The following ADGRE2 variants were observed in gnomAD, a reference collection of about 807,000 sequenced individuals.
ADGRE2 encodes the protein adhesion G protein-coupled receptor E2.
ADGRE2 carries 83 observed loss-of-function variants against 100.8 expected under a neutral mutation model. The ratio of observed to expected loss-of-function variants is 0.82; its 90% CI spans 0.69 to 0.99. ADGRE2 has a LOEUF of 0.99. Ranked by LOEUF, ADGRE2 falls within the 50% of genes least tolerant of loss-of-function variation. The pLI, the probability that ADGRE2 is intolerant of heterozygous loss-of-function variation, is 0.00. For missense variants in ADGRE2, 814 were observed against 1,035.7 expected (o/e 0.79, Z 2.94); for synonymous variants, 355 against 413.0 (o/e 0.86, Z 1.70).
At chr19:14,738,490 A>G (rs2042824967) in intron 20 of ADGRE2, among the ~76,000 whole-genome samples, 1 of 152,028 alleles carries the variant, frequency 6.6e-6, no homozygotes, top group Non-Finnish European at 1.5e-5. Flanking sequence ...GCAATACTCC[A>G]ATCTTAGCCT....
intron 11 of ADGRE2, among the ~76,000 whole-genome samples, chr19:14,759,600 G>A (rs1344438389): frequency 2.0e-5 from 3 of 148,692 alleles, no homozygotes; most frequent in East Asian, 4.0e-4. Context: ...GGGTTCCAGC[G>A]AATCTCCTGC....
intron 5 of ADGRE2, chr19:14,772,129 GGGCCCA>G: frequency 1.6e-6 from 1 of 610,718 alleles, no homozygotes; most frequent in East Asian, 2.8e-5. Context: ...GCCAGGATTT[GGGCCCA>G]GGTAGCTGGT....
In ADGRE2 at chr19:14,750,260, A is replaced by G. The variant is rs1599813970; in HGVS notation, c.2024+1176T>C. 2.7e-5 allele frequency among the ~76,000 whole-genome samples: 2 copies of G among 73,154 alleles called. 1 individual carries two copies. The highest frequency in any genetic ancestry group is 2.9e-4 in the Admixed American group (2 of 7,008). 48.0% of individuals were successfully genotyped at this position (73,154 alleles called of 152,430 possible). A position where few individuals can be genotyped will look rare whatever the true frequency, so the allele number is the denominator to read the frequency against. ...AAAATTACATATAAAATAATCTAAT[A>G]TAATTATATAATTATATGATTATCT... On this transcript the variant is annotated intron_variant, in intron 16 of 20. Coordinates refer to ENST00000315576, the MANE Select transcript of ADGRE2 (RefSeq NM_013447.4).
At chr19:14,737,290 T>TGG (rs2042786620) in intron 20 of ADGRE2, among the ~76,000 whole-genome samples, 1 of 151,836 alleles carries the variant, frequency 6.6e-6, no homozygotes, top group South Asian at 2.1e-4. Context: ...CAGGTTCAAG[T>TGG]GATCCTCCTG....
chr19:14,766,492 T>C, intron 6 of ADGRE2, 111 bp from the exon 7 acceptor site: 1 of 1,353,448 alleles, frequency 7.4e-7, no homozygotes, highest in Non-Finnish European at 1.0e-6. Context: ...AAGACCATTA[T>C]TGCACGTGCC....
At position 14,751,563 on chromosome 19, in the gene ADGRE2, C is replaced by A; in HGVS notation, c.1897G>T (p.Val633Leu). The A allele has an allele frequency of 6.2e-7, 1 of 1,614,026 alleles. No homozygotes were observed. The highest frequency in any genetic ancestry group is 8.5e-7 in the Non-Finnish European group (1 of 1,179,998). ...YLFLTARNLTVVNYSSINRFM... is the reference protein window; with the variant it reads ...YLFLTARNLTLVNYSSINRFM... ...CTGTTGATGCTTGAGTAGTTGACCA[C>A]CGTCAGGTTCCGTGCAGTGAGGAAG... Residue 633 changes from valine (V) to leucine (L), a missense_variant, in exon 16 of 21, where the codon GTG becomes TTG. Val to Leu is a conservative substitution (Grantham distance 32). This residue lies in a region of ADGRE2 where 569 missense variants were observed against 692.7 expected (regional missense o/e 0.82). Transcript: ENST00000315576.
At chr19:14,724,854 C>T in the ADGRE2 span, among the ~76,000 whole-genome samples, 6 of 152,092 alleles carry the variant, frequency 3.9e-5, no homozygotes, top group Non-Finnish European at 5.9e-5. Flanking sequence ...TAATTCTTTC[C>T]GTGAAAATAT....
At position 14,743,604 on chromosome 19, in the gene ADGRE2, G is replaced by T; in HGVS notation, c.2352+12C>A. Reference sequence around the variant, plus strand: ...ACAGGAAGAGTCCTGGGTGGGAGCTGGGCAGTGGTACCTGCTGGCTGAGGA... The same window carrying T: ...ACAGGAAGAGTCCTGGGTGGGAGCTTGGCAGTGGTACCTGCTGGCTGAGGA... On this transcript the variant is annotated intron_variant, in intron 19 of 20. Coordinates refer to ENST00000315576, the MANE Select transcript of ADGRE2 (RefSeq NM_013447.4). The T allele has an allele frequency of 1.9e-6, 3 of 1,614,102 alleles. No individual in the cohort carries two copies. Among genetic ancestry groups the T allele is most frequent in the Non-Finnish European group, 2.5e-6 (3 of 1,179,980 alleles).
chr19:14,767,467 C>T (rs924802379), intron 5 of ADGRE2, among the ~76,000 whole-genome samples: 4 of 152,110 alleles, frequency 2.6e-5, no homozygotes, highest in African/African-American at 4.8e-5. Flanking sequence ...TCTTGATCTC[C>T]TGACCTCGTG....
intron 20 of ADGRE2, among the ~76,000 whole-genome samples, chr19:14,742,610 G>A (rs1188762313): frequency 6.6e-6 from 1 of 152,220 alleles, no homozygotes; most frequent in African/African-American, 2.4e-5. Flanking sequence ...CCACTACTAA[G>A]TGGTAGTTGG....
downstream of ADGRE2, among the ~76,000 whole-genome samples, chr19:14,728,210 C>T (rs1482072994): frequency 3.3e-5 from 5 of 152,056 alleles, no homozygotes; most frequent in Non-Finnish European, 5.9e-5. Flanking sequence ...GAGACTCCGT[C>T]TCAAAAAAAA....
At chr19:14,729,710 G>C (rs1328273575), downstream of ADGRE2, among the ~76,000 whole-genome samples, 1 of 152,114 alleles carries the variant, frequency 6.6e-6, no homozygotes, top group Non-Finnish European at 1.5e-5. Context: ...GTAGAGCATG[G>C]TGACTATAGT....
At chr19:14,764,791 G>C (rs1043500253) in intron 10 of ADGRE2, among the ~76,000 whole-genome samples, 181 bp from the exon 11 acceptor site, 1 of 152,204 alleles carries the variant, frequency 6.6e-6, no homozygotes, top group African/African-American at 2.4e-5. Flanking sequence ...GGCCGATGAG[G>C]GTGGGTCACA....
intron 11 of ADGRE2, among the ~76,000 whole-genome samples, chr19:14,763,262 C>G (rs1197982731): frequency 6.6e-6 from 1 of 151,880 alleles, no homozygotes; most frequent in Non-Finnish European, 1.5e-5. Flanking sequence ...AGAATGCTGT[C>G]AACCCAGGAG....
In ADGRE2 at chr19:14,756,271, C is replaced by G; in HGVS notation, c.1159G>C (p.Asp387His). 6.2e-7 allele frequency: 1 copy of G among 1,614,098 alleles called. No homozygotes were observed. Among genetic ancestry groups the G allele is most frequent in the Non-Finnish European group, 8.5e-7 (1 of 1,180,002 alleles). The stretch of plus-strand genomic sequence containing the variant: ...CCAGATTTCTGTGCCTGATTCCAGT[C>G]GAGCTGCATCACTGCCTGATTCTGT... ...LRQNQAVMQL[D>H]WNQAQKSGDP... Residue 387 changes from aspartate (D) to histidine (H), a missense_variant, in exon 12 of 21, where the codon GAC becomes CAC. By Grantham distance (81) the Asp-to-His change is moderately conservative. Around this residue, in one of 5 missense-constraint regions of ADGRE2, gnomAD observed 569 missense variants for 692.7 expected, o/e 0.82. Coordinates refer to ENST00000315576, the MANE Select transcript of ADGRE2 (RefSeq NM_013447.4).
chr19:14,755,287 AAAAAAAAAT>A lies in ADGRE2; in HGVS notation c.1417-169_1417-161del, dbSNP rs910584252. Reference sequence around the variant, plus strand: ...CATCTCTACTAAAAAAAAAAAAAAAAAAAAAAAATACAAAAATTAGCTGGGCGTGGTAGC... The same window carrying A: ...CATCTCTACTAAAAAAAAAAAAAAAAACAAAAATTAGCTGGGCGTGGTAGC... On this transcript the variant is annotated intron_variant, in intron 13 of 20. Transcript: ENST00000315576. Among the ~76,000 whole-genome samples, 17 of 102,472 alleles carry A rather than the reference AAAAAAAAAT, an allele frequency of 1.7e-4. No individual in the cohort carries two copies. In the South Asian group the frequency reaches 2.1e-3, roughly 13 times the overall value. 67.2% of individuals were successfully genotyped at this position (102,472 alleles called of 152,430 possible). A position where few individuals can be genotyped will look rare whatever the true frequency, so the allele number is the denominator to read the frequency against.
Position 14,767,970 on chromosome 19 carries a change from C to T in ADGRE2, c.356-861G>A, listed in dbSNP as rs796828925. 3.9e-5 allele frequency among the ~76,000 whole-genome samples: 6 copies of T among 152,330 alleles called. No homozygotes were observed. The South Asian group carries it at 1.0e-3, about 26-fold the overall frequency. ...GCAACTGTACATGGTGGTCATGGGTCCTTCTCAGTGAGAACCCTCTGGTTT... is the reference window on the plus strand; with the variant it reads ...GCAACTGTACATGGTGGTCATGGGTTCTTCTCAGTGAGAACCCTCTGGTTT... On this transcript the variant is annotated intron_variant, in intron 5 of 20. Coordinates refer to ENST00000315576, the MANE Select transcript of ADGRE2 (RefSeq NM_013447.4).
Position 14,752,344 on chromosome 19 carries a change from A to G in ADGRE2, c.1773T>C (p.Asp591=), listed in dbSNP as rs1487633457. The part of the protein sequence containing the change: ...LAHLLFLVAI[D]QTGHKVLCSI... ...CTGTCAATACCTTGTGTCCGGTTTG[A>G]TCAATTGCCACGAGGAAGAGGAGGT... Residue 591 remains aspartate (D), a synonymous_variant, in exon 15 of 21, where the codon GAT becomes GAC. Transcript: ENST00000315576. The G allele has an allele frequency of 1.9e-6, 3 of 1,613,976 alleles. No individual in the cohort carries two copies. In the African/African-American group the frequency reaches 4.0e-5, roughly 22 times the overall value.
At chr19:14,728,637 A>C (rs2042648550), downstream of ADGRE2, among the ~76,000 whole-genome samples, 2 of 152,226 alleles carry the variant, frequency 1.3e-5, no homozygotes, top group Admixed American at 1.3e-4. Flanking sequence ...TGAGTGACCT[A>C]TGACGACAAT....
Sources: allele counts gnomAD v4.1 joint callset (sites outside exome capture counted in the v4.1 genomes callset), GRCh38; gene constraint gnomAD v4.1.1; regional missense constraint gnomAD v4.1.1; transcripts MANE v1.5; gene names NCBI Gene and HGNC (gene_info 2026-07-23, HGNC 2026-07-21).